Variants in CHN1 observed in about 807,000 individuals in gnomAD.
The protein encoded by CHN1 is N-chimaerin.
In CHN1, 37 loss-of-function variants were observed where a neutral mutation model predicts 59.5. That is an observed-to-expected ratio of 0.62 (90% CI 0.48 to 0.82). CHN1 has a LOEUF of 0.82. CHN1 is among the 40% of genes least tolerant of loss of function. The pLI, the probability that CHN1 is intolerant of heterozygous loss-of-function variation, is 0.00. For missense variants in CHN1, 469 were observed against 571.0 expected, an observed-to-expected ratio of 0.82 and a Z score of 1.82; for synonymous variants, 206 against 200.4, an observed-to-expected ratio of 1.03 and a Z score of -0.24.
intron 3 of CHN1, among the ~76,000 whole-genome samples, chr2:174,922,904 C>T (rs970036963): frequency 3.9e-5 from 6 of 151,934 alleles, no homozygotes; most frequent in African/African-American, 9.7e-5. Flanking sequence ...AGAATGACAC[C>T]GTTTAGGAAA....
chr2:174,980,405 T>C (rs1691106005), intron 1 of CHN1, among the ~76,000 whole-genome samples: 1 of 152,228 alleles, frequency 6.6e-6, no homozygotes, highest in Non-Finnish European at 1.5e-5. Flanking sequence ...TCCACTTCTT[T>C]GCCGCTGTGA....
chr2:174,870,022 A>G (rs1228180447), intron 6 of CHN1, among the ~76,000 whole-genome samples: 1 of 152,222 alleles, frequency 6.6e-6, no homozygotes, highest in Non-Finnish European at 1.5e-5. Flanking sequence ...AGTAATGTAG[A>G]TATTATTAAC....
chr2:174,979,076 T>C (rs1452004737), intron 1 of CHN1, among the ~76,000 whole-genome samples: 2 of 152,120 alleles, frequency 1.3e-5, no homozygotes, highest in Non-Finnish European at 2.9e-5. Flanking sequence ...CATTAAATAA[T>C]CACAATGCAG....
At chr2:174,803,455 T>G (rs952323585) in intron 11 of CHN1, among the ~76,000 whole-genome samples, 3 of 152,236 alleles carry the variant, frequency 2.0e-5, no homozygotes, top group Non-Finnish European at 4.4e-5. Context: ...TTTGGGGCCT[T>G]TAAAAAGTGC....
At chr2:174,831,438 C>A (rs2105411660) in intron 7 of CHN1, among the ~76,000 whole-genome samples, 1 of 152,228 alleles carries the variant, frequency 6.6e-6, no homozygotes, top group South Asian at 2.1e-4. Context: ...ATGTTCTGTG[C>A]TGAGCTGAAA....
rs1167482777 is a variant in CHN1, at chr2:175,005,264, G to C, written c.-352C>G. 8.9e-7 allele frequency: 1 copy of C among 1,127,678 alleles called. No individual in the cohort carries two copies. Among genetic ancestry groups the C allele is most frequent in the East Asian group, 5.9e-5 (1 of 16,932 alleles). The allele number at this position is 1,127,678 out of a possible 1,614,324, so 69.9% of individuals were successfully genotyped here. On this transcript the variant is annotated 5_prime_UTR_variant, in exon 1 of 13. Coordinates refer to ENST00000409900, the MANE Select transcript of CHN1 (RefSeq NM_001822.7). ...GCTGGCGGAGAGGCGGCGCCGCACT[G>C]GCGGCGGCGGCGGCGGCGACGGGGA... is the stretch of plus-strand genomic sequence containing the variant.
chr2:174,948,193 T>C (rs1158390812), intron 2 of CHN1, among the ~76,000 whole-genome samples: 1 of 152,034 alleles, frequency 6.6e-6, no homozygotes, highest in African/African-American at 2.4e-5. Flanking sequence ...GAGTAGGTTT[T>C]TAACATTAAA....
At chr2:174,963,672 TG>T (rs1394310673) in intron 1 of CHN1, among the ~76,000 whole-genome samples, 3 of 152,232 alleles carry the variant, frequency 2.0e-5, no homozygotes, top group African/African-American at 7.2e-5. Flanking sequence ...AGTTCTTCTC[TG>T]GTTTGTATGT....
chr2:174,949,433 C>T (rs1309409498), intron 2 of CHN1, among the ~76,000 whole-genome samples: 1 of 152,142 alleles, frequency 6.6e-6, no homozygotes, highest in East Asian at 1.9e-4. Flanking sequence ...ATCCTCCCAC[C>T]TCCACCTCCC....
Position 174,846,734 on chromosome 2 carries a change from AT to A in CHN1, c.627+145del, listed in dbSNP as rs1452355750. 25 of 898,224 alleles carry A rather than the reference AT, an allele frequency of 2.8e-5. No homozygotes were observed. In the African/African-American group the frequency reaches 4.0e-4, roughly 15 times the overall value. 55.6% of individuals were successfully genotyped at this position (898,224 alleles called of 1,614,324 possible). On this transcript the variant is annotated intron_variant, in intron 7 of 12. Transcript: ENST00000409900. ...CTTATTCAGCTATTCCTCAAGTAAA[AT>A]CAGGCTGAAAACATCTCACTCCTTA...
chr2:174,889,835 A>G (rs1050952745), intron 5 of CHN1, among the ~76,000 whole-genome samples: 1 of 152,064 alleles, frequency 6.6e-6, no homozygotes, highest in African/African-American at 2.4e-5. Context: ...TGAAATAGAA[A>G]TCCAAATTTA....
At chr2:174,830,434 CTTG>C (rs1306084211) in intron 7 of CHN1, among the ~76,000 whole-genome samples, 1 of 152,090 alleles carries the variant, frequency 6.6e-6, no homozygotes, top group African/African-American at 2.4e-5. Flanking sequence ...ACCTTCTTGC[CTTG>C]TTGTTAAGTT....
At chr2:174,915,245 C>T in intron 4 of CHN1, 74 bp from the exon 5 acceptor site, 1 of 1,056,226 alleles carries the variant, frequency 9.5e-7, no homozygotes, top group Non-Finnish European at 1.4e-6. Flanking sequence ...AACGTCCCAC[C>T]ACCACCACCT....
intron 1 of CHN1, among the ~76,000 whole-genome samples, chr2:174,989,636 A>T (rs1691472101): frequency 6.6e-6 from 1 of 151,706 alleles, no homozygotes; most frequent in Non-Finnish European, 1.5e-5. Context: ...CAGATTATTT[A>T]AAAATTAGCT....
chr2:174,976,871 A>G (rs1269137234), intron 1 of CHN1, among the ~76,000 whole-genome samples: 2 of 152,212 alleles, frequency 1.3e-5, no homozygotes, highest in Non-Finnish European at 2.9e-5. Context: ...TCTGTCCACT[A>G]AATAACCGCA....
chr2:174,824,633 A>T (rs1437758035), intron 7 of CHN1, 115 bp from the exon 8 acceptor site: 43 of 346,312 alleles, frequency 1.2e-4, no homozygotes, highest in Middle Eastern at 7.2e-4. Flanking sequence ...TATATATATG[A>T]GAGAAAGAGA....
At chr2:174,849,896 GA>G (rs1365244513) in intron 6 of CHN1, among the ~76,000 whole-genome samples, 3 of 152,200 alleles carry the variant, frequency 2.0e-5, no homozygotes, top group Non-Finnish European at 4.4e-5. Context: ...AAAATGAGAG[GA>G]AACCATGGAG....
chr2:174,828,217 GA>G (rs1685757325), intron 7 of CHN1, among the ~76,000 whole-genome samples: 5 of 152,220 alleles, frequency 3.3e-5, no homozygotes, highest in Admixed American at 2.6e-4. Context: ...GCAAAGTGGG[GA>G]ATAGGAACTG....
intron 1 of CHN1, among the ~76,000 whole-genome samples, chr2:175,004,182 C>T (rs564110029): frequency 6.6e-6 from 1 of 152,070 alleles, no homozygotes; most frequent in Non-Finnish European, 1.5e-5. Context: ...GTCCTTTTTC[C>T]CAACCCATTG....
Sources: gnomAD v4.1 joint callset for allele counts (sites outside exome capture counted in the v4.1 genomes callset) on GRCh38, gnomAD v4.1.1 for gene constraint, MANE v1.5 for transcripts, NCBI Gene and HGNC (gene_info 2026-07-23, HGNC 2026-07-21) for gene names.